LAMB4: variants seen among roughly 807,000 people sequenced by gnomAD.
The protein encoded by LAMB4 is laminin subunit beta-4.
Under a neutral mutation model 199.2 loss-of-function variants are expected in LAMB4, and 196 were observed. That is an observed-to-expected ratio of 0.98 (90% CI 0.88 to 1.11). The LOEUF is 1.11. Ranked by LOEUF, LAMB4 falls within the 50% of genes least tolerant of loss-of-function variation. The pLI is 0.00. For synonymous variants in LAMB4, 744 were observed against 770.6 expected (o/e 0.97, Z 0.57); for missense variants, 2,080 against 2,171.2 (o/e 0.96, Z 0.83).
chr7:108,044,184 TG>T, intron 28 of LAMB4: 1 of 255,850 alleles, frequency 3.9e-6, no homozygotes, highest in Non-Finnish European at 7.3e-6. Flanking sequence ...TTTGTTTTAA[TG>T]GGGCTTTAGC....
chr7:108,097,834 CA>C (rs923216750), intron 11 of LAMB4, among the ~76,000 whole-genome samples: 2 of 152,040 alleles, frequency 1.3e-5, no homozygotes, highest in African/African-American at 4.8e-5. Flanking sequence ...TAGTGGAAAC[CA>C]AAAAAACTTT....
chr7:108,093,701 C>T (rs1227525579), intron 12 of LAMB4, among the ~76,000 whole-genome samples: 1 of 152,160 alleles, frequency 6.6e-6, no homozygotes, highest in African/African-American at 2.4e-5. Flanking sequence ...AAAAATTCTC[C>T]TCCCACACAT....
chr7:108,025,996 C>A (rs2034823845), intron 33 of LAMB4, among the ~76,000 whole-genome samples: 1 of 152,134 alleles, frequency 6.6e-6, no homozygotes, highest in Admixed American at 6.5e-5. Context: ...GGAGGATGAG[C>A]AGTCTCCATC....
chr7:108,012,139 A>G, the LAMB4 span, among the ~76,000 whole-genome samples: 1 of 151,724 alleles, frequency 6.6e-6, no homozygotes, highest in Non-Finnish European at 1.5e-5. Context: ...ATAATTTCTA[A>G]TTTTCTATTT....
At chr7:108,034,150 A>G (rs1474579385) in intron 31 of LAMB4, 58 bp downstream of exon 31, 20 of 1,526,012 alleles carry the variant, frequency 1.3e-5, no homozygotes, top group Non-Finnish European at 1.8e-5. Flanking sequence ...CATAAAAAGC[A>G]CTGTGTTGTT....
rs747070777 is a variant in LAMB4, at chr7:108,037,569, C to T, written c.4498G>A (p.Glu1500Lys). The change falls in exon 30 of 34, where the codon GAG becomes AAG. Residue 1500 changes from glutamate to lysine, a missense_variant. Transcript: ENST00000388781. Reference sequence around the variant, plus strand: ...TCAAGCACACCATTCGCAACCTTCTCGATGTCTTCTGGAGGCACGTTTTCC... The same window carrying T: ...TCAAGCACACCATTCGCAACCTTCTTGATGTCTTCTGGAGGCACGTTTTCC... The part of the protein sequence containing the change: ...LEENVPPEDI[E>K]KVANGVLDIH... The T allele has an allele frequency of 3.8e-5, 61 of 1,614,106 alleles. No homozygotes were observed. The Middle Eastern group carries it at 4.9e-4, about 13-fold the overall frequency.
At chr7:108,129,239 G>A (rs1209316763) in intron 1 of LAMB4, among the ~76,000 whole-genome samples, 1 of 152,192 alleles carries the variant, frequency 6.6e-6, no homozygotes, top group African/African-American at 2.4e-5. Flanking sequence ...TGTTTGATAA[G>A]AGCCTCTCCG....
chr7:108,116,672 C>G (rs2038418762), intron 2 of LAMB4, among the ~76,000 whole-genome samples: 2 of 152,154 alleles, frequency 1.3e-5, no homozygotes, highest in Admixed American at 6.5e-5. Context: ...ACATTTTGTG[C>G]AATACTAGGA....
chr7:108,118,501 A>G (rs985709366), intron 2 of LAMB4, among the ~76,000 whole-genome samples: 3 of 152,168 alleles, frequency 2.0e-5, no homozygotes, highest in African/African-American at 7.2e-5. Flanking sequence ...CTGATTTTTG[A>G]GGTGCAAATG....
rs2036207565 is a variant in LAMB4, at chr7:108,062,758, C to T, written c.3282+16G>A. On this transcript the variant is annotated intron_variant, in intron 23 of 33. Coordinates refer to ENST00000388781, the MANE Select transcript of LAMB4 (RefSeq NM_007356.3). ...TGCTCACTTTGAGTGCACTAGTAAG[C>T]TTTAAAGTATCTTGCCTGGTCACAG... is the stretch of plus-strand genomic sequence containing the variant. 7.2e-7 allele frequency: 1 copy of T among 1,381,026 alleles called. No individual in the cohort carries two copies. The highest frequency in any genetic ancestry group is 2.9e-5 in the Admixed American group (1 of 34,782). 85.5% of individuals were successfully genotyped at this position (1,381,026 alleles called of 1,614,324 possible).
chr7:108,071,252 C>T (rs1308725798), intron 17 of LAMB4, among the ~76,000 whole-genome samples: 2 of 152,122 alleles, frequency 1.3e-5, no homozygotes, highest in Non-Finnish European at 2.9e-5. Flanking sequence ...TGTCATCACC[C>T]CTGCCTCATC....
intron 11 of LAMB4, among the ~76,000 whole-genome samples, chr7:108,095,906 GTCCCA>G (rs2037577892): frequency 6.6e-6 from 1 of 152,310 alleles, no homozygotes; most frequent in East Asian, 1.9e-4. Context: ...TAACCCAAAT[GTCCCA>G]TTGACTAATG....
rs756360033 is a variant in LAMB4, at chr7:108,062,885, T to C, written c.3171A>G (p.Thr1057=). ...CAGCACAACGGTCACAGGCCAGGCC[T>C]GTGACATTCGGCAGACAAGGACATG... The part of the protein sequence containing the change: ...TGACPCLPNV[T]GLACDRCADG... Residue 1057 remains threonine (T), a synonymous_variant, in exon 23 of 34, where the codon ACA becomes ACG. Coordinates refer to ENST00000388781, the MANE Select transcript of LAMB4 (RefSeq NM_007356.3). 5 of 1,608,298 alleles carry C rather than the reference T, an allele frequency of 3.1e-6. No homozygotes were observed. In the East Asian group the frequency reaches 9.0e-5, roughly 29 times the overall value.
At chr7:108,091,994 C>T (rs1208811465) in intron 13 of LAMB4, among the ~76,000 whole-genome samples, 3 of 152,072 alleles carry the variant, frequency 2.0e-5, no homozygotes, top group Non-Finnish European at 4.4e-5. Flanking sequence ...CTTTCCCCAC[C>T]CTCCGCCCCC....
At chr7:108,039,977 C>T (rs945334530) in intron 29 of LAMB4, among the ~76,000 whole-genome samples, 1 of 152,082 alleles carries the variant, frequency 6.6e-6, no homozygotes, top group Non-Finnish European at 1.5e-5. Flanking sequence ...TCAAACTATC[C>T]CTGTTTGCAG....
chr7:108,077,078 G>A lies in LAMB4; in HGVS notation c.2004-14C>T. ...AGCAGCATGATTCTGTATTAAGAAA[G>A]ATAAAGCAAAAATTCAGACCACAGA... On this transcript the variant is annotated splice_polypyrimidine_tract_variant and intron_variant, in intron 16 of 33. Transcript: ENST00000388781. 6.2e-7 allele frequency: 1 copy of A among 1,610,606 alleles called. No homozygotes were observed. The highest frequency in any genetic ancestry group is 8.5e-7 in the Non-Finnish European group (1 of 1,178,448).
the LAMB4 span, among the ~76,000 whole-genome samples, chr7:108,014,486 G>A: frequency 1.3e-5 from 2 of 151,948 alleles, no homozygotes; most frequent in African/African-American, 4.8e-5. Flanking sequence ...ACAGAGAAAT[G>A]TTTACACAAA....
rs760653004 is a variant in LAMB4, at chr7:108,055,945, G to A, written c.3442C>T (p.Arg1148Cys). Residue 1148 changes from arginine to cysteine, a missense_variant, in exon 25 of 34, where the codon CGC (arginine) becomes TGC (cysteine). Physicochemically the swap from Arg to Cys is radical, Grantham distance 180. Transcript: ENST00000388781. ...TGGCCGCTGACACCCTCCCGGCAGC[G>A]GCACATGCCTGTGTCTGGATCACAG... ...PICDPDTGMC[R>C]CREGVSGQRC... The A allele has an allele frequency of 2.0e-5, 32 of 1,614,034 alleles. No homozygotes were observed. Among genetic ancestry groups the A allele is most frequent in the South Asian group, 3.3e-5 (3 of 91,070 alleles).
chr7:108,011,876 C>CAT, the LAMB4 span, among the ~76,000 whole-genome samples: 53,988 of 149,878 alleles, frequency 0.36, 11,404 homozygotes, highest in African/African-American at 0.6. Flanking sequence ...AAAATATAAA[C>CAT]ATATATATAT....
Sources: gnomAD v4.1 joint callset for allele counts (sites outside exome capture counted in the v4.1 genomes callset) on GRCh38, gnomAD v4.1.1 for gene constraint, MANE v1.5 for transcripts, NCBI Gene and HGNC (gene_info 2026-07-23, HGNC 2026-07-21) for gene names.